Variants in TAFA2 observed in about 807,000 individuals in gnomAD.
TAFA2 encodes chemokine-like protein TAFA-2.
TAFA2 carries 7 observed loss-of-function variants against 18.8 expected under a neutral mutation model. The ratio of observed to expected loss-of-function variants is 0.37; its 90% CI spans 0.21 to 0.70. The LOEUF is 0.70. Among genes scored for constraint, TAFA2 ranks in the 30% least tolerant of loss-of-function variants. The pLI, the probability that TAFA2 is intolerant of heterozygous loss-of-function variation, is 0.53. For missense variants in TAFA2, 122 were observed against 158.1 expected (o/e 0.77, Z 1.23); for synonymous variants, 60 against 54.2 (o/e 1.11, Z -0.47).
At chr12:61,991,084 C>T (rs1178417120) in intron 1 of TAFA2, among the ~76,000 whole-genome samples, 2 of 152,254 alleles carry the variant, frequency 1.3e-5, no homozygotes, top group East Asian at 3.9e-4. Context: ...GTACTTTATG[C>T]TCTTTTCTGG....
intron 4 of TAFA2, among the ~76,000 whole-genome samples, chr12:61,750,140 A>G (rs1592364288): frequency 6.6e-6 from 1 of 152,070 alleles, no homozygotes; most frequent in Non-Finnish European, 1.5e-5. Context: ...GCTTATAATT[A>G]TGCACTCTTT....
intron 1 of TAFA2, among the ~76,000 whole-genome samples, chr12:62,083,815 A>G (rs1233168881): frequency 6.6e-6 from 1 of 152,168 alleles, no homozygotes; most frequent in Non-Finnish European, 1.5e-5. Flanking sequence ...TATCTTCATC[A>G]TTAACATATC....
At chr12:62,256,194 G>A (rs771047019) in intron 1 of TAFA2, among the ~76,000 whole-genome samples, 7 of 151,812 alleles carry the variant, frequency 4.6e-5, no homozygotes, top group African/African-American at 1.5e-4. Context: ...GCTTGAACCC[G>A]GGAGGCAGAG....
intron 1 of TAFA2, among the ~76,000 whole-genome samples, chr12:62,184,093 A>G (rs2062568648): frequency 6.6e-6 from 1 of 152,192 alleles, no homozygotes; most frequent in African/African-American, 2.4e-5. Context: ...CATCATCTTC[A>G]TCATCTCCAT....
At chr12:62,008,700 T>G (rs1283858016) in intron 1 of TAFA2, among the ~76,000 whole-genome samples, 1 of 152,200 alleles carries the variant, frequency 6.6e-6, no homozygotes, top group Non-Finnish European at 1.5e-5. Flanking sequence ...TGTCCAAATA[T>G]TCCTAGCTGA....
At chr12:61,921,944 C>A (rs763183686) in intron 1 of TAFA2, among the ~76,000 whole-genome samples, 1 of 151,970 alleles carries the variant, frequency 6.6e-6, no homozygotes, top group Non-Finnish European at 1.5e-5. Context: ...GAAAGTTTAT[C>A]AAAAAGAAGT....
intron 1 of TAFA2, among the ~76,000 whole-genome samples, chr12:61,934,185 C>T (rs1047464031): frequency 3.9e-5 from 6 of 152,178 alleles, no homozygotes; most frequent in African/African-American, 1.4e-4. Flanking sequence ...AATCCTGTTG[C>T]TGCACAGCAC....
chr12:61,874,511 A>G (rs11612244), intron 1 of TAFA2, among the ~76,000 whole-genome samples: 24,498 of 152,076 alleles, frequency 0.16, 2,139 homozygotes, highest in South Asian at 0.3. Flanking sequence ...CCCAAATTTT[A>G]TACTTTCATT....
chr12:62,114,303 G>C (rs191677399), intron 1 of TAFA2, among the ~76,000 whole-genome samples: 3 of 152,098 alleles, frequency 2.0e-5, no homozygotes, highest in African/African-American at 4.8e-5. Flanking sequence ...GCTTTGGCTC[G>C]TCCTCCGTGG....
chr12:61,848,954 G>C (rs529915716), intron 2 of TAFA2, among the ~76,000 whole-genome samples: 15 of 151,292 alleles, frequency 9.9e-5, no homozygotes, highest in African/African-American at 3.2e-4. Context: ...CAATTCTCCT[G>C]CCTCAGCCTC....
At chr12:61,978,470 G>C (rs958118382) in intron 1 of TAFA2, among the ~76,000 whole-genome samples, 3 of 151,976 alleles carry the variant, frequency 2.0e-5, no homozygotes, top group Admixed American at 6.6e-5. Flanking sequence ...GAGAGGAACA[G>C]TTCCTACATG....
At chr12:62,119,669 T>C (rs549771332) in intron 1 of TAFA2, among the ~76,000 whole-genome samples, 2 of 152,286 alleles carry the variant, frequency 1.3e-5, no homozygotes, top group Admixed American at 6.5e-5. Flanking sequence ...AGGTCACAAA[T>C]GAAGAAAAGG....
At chr12:61,848,127 A>T (rs1303395643) in intron 2 of TAFA2, among the ~76,000 whole-genome samples, 1 of 152,244 alleles carries the variant, frequency 6.6e-6, no homozygotes, top group Non-Finnish European at 1.5e-5. Flanking sequence ...AACAGGTGAC[A>T]CTGAGATTCC....
intron 1 of TAFA2, among the ~76,000 whole-genome samples, chr12:61,971,016 TATAAG>T (rs1879229350): frequency 6.6e-6 from 1 of 151,648 alleles, no homozygotes; most frequent in Admixed American, 6.6e-5. Flanking sequence ...AGAAAAAAGT[TATAAG>T]ATATAGCAAA....
intron 1 of TAFA2, among the ~76,000 whole-genome samples, chr12:62,240,457 A>G (rs1013472384): frequency 1.3e-5 from 2 of 152,036 alleles, no homozygotes; most frequent in Non-Finnish European, 2.9e-5. Context: ...AATTTACTGT[A>G]TAGTAAACTT....
intron 1 of TAFA2, among the ~76,000 whole-genome samples, chr12:61,950,395 G>T (rs1878425755): frequency 6.6e-6 from 1 of 152,104 alleles, no homozygotes; most frequent in Admixed American, 6.6e-5. Flanking sequence ...GTGCACAAGG[G>T]TTTGGAATTC....
At chr12:62,063,646 T>C (rs1227245662) in intron 1 of TAFA2, among the ~76,000 whole-genome samples, 3 of 152,162 alleles carry the variant, frequency 2.0e-5, no homozygotes, top group African/African-American at 7.2e-5. Flanking sequence ...ATGAATGCTA[T>C]TCACATAGAA....
intron 1 of TAFA2, among the ~76,000 whole-genome samples, chr12:62,178,831 CT>C (rs2062532686): frequency 6.6e-6 from 1 of 152,196 alleles, no homozygotes; most frequent in Non-Finnish European, 1.5e-5. Context: ...TTTTCCAAGA[CT>C]AGTCACTTGT....
rs186007806 is a variant in TAFA2 at position 61,909,337 on chromosome 12, C to T, written c.-1-41911G>A. Among the ~76,000 whole-genome samples the T allele has an allele frequency of 4.6e-5, 7 of 152,124 alleles. No homozygotes were observed. The East Asian group carries it at 5.8e-4, about 13-fold the overall frequency. Reference sequence around the variant, plus strand: ...AGACTCTTCTCAGGGGCAAAGATGGCGAGCAGGACATCGCATATAAGGCTC... The same window carrying T: ...AGACTCTTCTCAGGGGCAAAGATGGTGAGCAGGACATCGCATATAAGGCTC... On this transcript the variant is annotated intron_variant, in intron 1 of 4. Coordinates refer to ENST00000416284, the MANE Select transcript of TAFA2 (RefSeq NM_178539.5).
Sources: allele counts gnomAD v4.1 joint callset (sites outside exome capture counted in the v4.1 genomes callset), GRCh38; gene constraint gnomAD v4.1.1; transcripts MANE v1.5; gene names NCBI Gene and HGNC (gene_info 2026-07-23, HGNC 2026-07-21).